BCHE: variants seen among roughly 807,000 people sequenced by gnomAD.
The protein encoded by BCHE is butyrylcholinesterase, also known as cholinesterase.
BCHE carries 48 observed loss-of-function variants against 51.3 expected under a neutral mutation model. The observed-to-expected ratio is 0.94, with a 90% CI of 0.74 to 1.19. The LOEUF is 1.19. BCHE is among the 50% of genes most tolerant of loss of function. The pLI is 0.00. For synonymous variants in BCHE, 251 were observed against 238.0 expected (o/e 1.05, Z -0.50); for missense variants, 847 against 708.2 (o/e 1.20, Z -2.23).
At chr3:165,807,498 TAAAG>T (rs1045807769) in intron 2 of BCHE, among the ~76,000 whole-genome samples, 4 of 151,676 alleles carry the variant, frequency 2.6e-5, no homozygotes, top group African/African-American at 9.7e-5. Context: ...GAGATAAAGA[TAAAG>T]AAATGTTATT....
At chr3:165,806,679 A>G in intron 2 of BCHE, among the ~76,000 whole-genome samples, 1 of 152,140 alleles carries the variant, frequency 6.6e-6, no homozygotes, top group Non-Finnish European at 1.5e-5. Flanking sequence ...ATGTTGGATA[A>G]AACCAAAAGG....
chr3:165,797,067 T>C (rs889182191), intron 2 of BCHE, among the ~76,000 whole-genome samples: 7 of 152,028 alleles, frequency 4.6e-5, no homozygotes, highest in Non-Finnish European at 8.8e-5. Context: ...TTGGGCTGAA[T>C]ACTAAATCAT....
intron 2 of BCHE, among the ~76,000 whole-genome samples, chr3:165,794,722 A>T (rs2108208836): frequency 6.6e-6 from 1 of 152,258 alleles, no homozygotes; most frequent in Admixed American, 6.5e-5. Context: ...GGAAGCACAC[A>T]AGCTTTCAGC....
At chr3:165,800,038 T>C (rs148698830) in intron 2 of BCHE, among the ~76,000 whole-genome samples, 286 of 150,714 alleles carry the variant, frequency 1.9e-3, no homozygotes, top group African/African-American at 6.8e-3. Context: ...AGCGTGCAAT[T>C]AGAAGTATTT....
intron 2 of BCHE, among the ~76,000 whole-genome samples, chr3:165,810,657 T>C (rs1241552574): frequency 6.6e-6 from 1 of 152,144 alleles, no homozygotes; most frequent in Non-Finnish European, 1.5e-5. Flanking sequence ...ATGCATTGTG[T>C]TCGTTAGCTC....
intron 2 of BCHE, among the ~76,000 whole-genome samples, chr3:165,813,948 C>A (rs1331524580): frequency 1.3e-5 from 2 of 151,882 alleles, no homozygotes; most frequent in Non-Finnish European, 2.9e-5. Flanking sequence ...GAATATCTGA[C>A]GCCAAAGTTG....
At chr3:165,824,893 T>A (rs1441368767) in intron 2 of BCHE, among the ~76,000 whole-genome samples, 1 of 152,050 alleles carries the variant, frequency 6.6e-6, no homozygotes, top group African/African-American at 2.4e-5. Flanking sequence ...AGCAGTAATG[T>A]TAATATGAAC....
chr3:165,794,382 G>A (rs529943894), intron 2 of BCHE, among the ~76,000 whole-genome samples: 1 of 152,166 alleles, frequency 6.6e-6, no homozygotes, highest in East Asian at 1.9e-4. Context: ...TAGTCTGCTT[G>A]GGATTATATA....
chr3:165,774,970 AG>A (rs565696907), intron 3 of BCHE, among the ~76,000 whole-genome samples: 195 of 152,310 alleles, frequency 1.3e-3, no homozygotes, highest in Non-Finnish European at 2.2e-3. Flanking sequence ...AGGCATAATA[AG>A]CAATATATAT....
chr3:165,793,006 C>T (rs1713229445), intron 2 of BCHE, among the ~76,000 whole-genome samples: 1 of 152,022 alleles, frequency 6.6e-6, no homozygotes, highest in Admixed American at 6.6e-5. Flanking sequence ...GTTTCTTTTG[C>T]TGTGAAGAAG....
intron 3 of BCHE, among the ~76,000 whole-genome samples, chr3:165,778,077 G>A (rs1316029453): frequency 2.0e-5 from 3 of 151,942 alleles, no homozygotes; most frequent in Non-Finnish European, 4.4e-5. Flanking sequence ...ACTGTGCAGG[G>A]GTTGGTGCCC....
At chr3:165,829,120 C>A (rs75449115) in intron 2 of BCHE, among the ~76,000 whole-genome samples, 263 of 152,188 alleles carry the variant, frequency 1.7e-3, no homozygotes, top group African/African-American at 6.2e-3. Flanking sequence ...TGGTACCAAG[C>A]TGAAGAGCTT....
rs1712319340 is a variant in BCHE at position 165,773,124 on chromosome 3, A to C, written c.*258T>G. The C allele has an allele frequency of 1.3e-5, 4 of 299,810 alleles. No homozygotes were observed. In the East Asian group the frequency reaches 2.6e-4, roughly 20 times the overall value. 18.6% of individuals were successfully genotyped at this position (299,810 alleles called of 1,614,324 possible). ...ATTTATTAAGGAAAGAAAGAAATTG[A>C]ACCAGGCCATTGTTTTAATATGCAC... On this transcript the variant is annotated 3_prime_UTR_variant, in exon 4 of 4. Coordinates refer to ENST00000264381, the MANE Select transcript of BCHE (RefSeq NM_000055.4).
chr3:165,782,536 G>GT (rs1332069279), intron 3 of BCHE, among the ~76,000 whole-genome samples: 1 of 152,020 alleles, frequency 6.6e-6, no homozygotes, highest in Non-Finnish European at 1.5e-5. Context: ...ATAATGATAA[G>GT]TTTTTTGTGT....
intron 2 of BCHE, among the ~76,000 whole-genome samples, chr3:165,822,442 A>G (rs975345133): frequency 6.6e-6 from 1 of 152,072 alleles, no homozygotes; most frequent in Non-Finnish European, 1.5e-5. Flanking sequence ...ATTTTCTGTC[A>G]ATGACAAGTT....
intron 2 of BCHE, among the ~76,000 whole-genome samples, chr3:165,823,301 T>C (rs1012622283): frequency 1.3e-5 from 2 of 152,144 alleles, no homozygotes; most frequent in African/African-American, 4.8e-5. Context: ...ATGAGTTTTA[T>C]ATAACTGAAT....
At chr3:165,782,675 T>C (rs1018449991) in intron 3 of BCHE, among the ~76,000 whole-genome samples, 6 of 152,104 alleles carry the variant, frequency 3.9e-5, no homozygotes, top group African/African-American at 1.4e-4. Context: ...CAAAACATCA[T>C]ACACTGGATA....
At chr3:165,799,526 G>T (rs917395839) in intron 2 of BCHE, among the ~76,000 whole-genome samples, 2 of 152,036 alleles carry the variant, frequency 1.3e-5, no homozygotes, top group African/African-American at 2.4e-5. Flanking sequence ...GTTGTATATA[G>T]GGAAAGTAAG....
intron 3 of BCHE, chr3:165,778,518 C>A: frequency 4.1e-6 from 1 of 242,188 alleles, no homozygotes; most frequent in Non-Finnish European, 9.2e-6. Flanking sequence ...AATTCTTTAG[C>A]ATGATGCACA....
Sources: allele counts gnomAD v4.1 joint callset (sites outside exome capture counted in the v4.1 genomes callset), GRCh38; gene constraint gnomAD v4.1.1; transcripts MANE v1.5; gene names NCBI Gene and HGNC (gene_info 2026-07-23, HGNC 2026-07-21).